Variants in TSHZ2 observed in about 807,000 individuals in gnomAD.
The protein encoded by TSHZ2 is teashirt zinc finger homeobox 2, also known as teashirt homolog 2.
In TSHZ2, 21 loss-of-function variants were observed where a neutral mutation model predicts 74.4. The ratio of observed to expected loss-of-function variants is 0.28; its 90% CI spans 0.20 to 0.41. The LOEUF is 0.41. Among genes scored for constraint, TSHZ2 ranks in the 10% least tolerant of loss-of-function variants. The pLI is 1.00. For synonymous variants in TSHZ2, 540 were observed against 515.3 expected (o/e 1.05, Z -0.65); for missense variants, 1,244 against 1,293.5 (o/e 0.96, Z 0.59).
intron 1 of TSHZ2, among the ~76,000 whole-genome samples, chr20:53,067,165 A>G (rs1985017312): frequency 6.6e-6 from 1 of 152,182 alleles, no homozygotes; most frequent in African/African-American, 2.4e-5. Context: ...ATAGGGGACC[A>G]GTGATTCTAG....
intron 2 of TSHZ2, among the ~76,000 whole-genome samples, chr20:53,392,783 G>T (rs906423792): frequency 2.0e-5 from 3 of 152,036 alleles, no homozygotes; most frequent in South Asian, 2.1e-4. Context: ...CTTGGGTTTT[G>T]GTGTACAGAT....
At position 53,342,955 on chromosome 20, in the gene TSHZ2, C is replaced by CTTTTTTTTT. The variant is rs1175907478; in HGVS notation, c.*8+86405_*8+86413dup. The stretch of plus-strand genomic sequence containing the variant: ...TATTTCTTTTCTTTTCTTTTCTTTT[C>CTTTTTTTTT]TTTTTTTTTTTTTTTTTTTTTTTTT... On this transcript the variant is annotated intron_variant, in intron 2 of 2. Coordinates refer to ENST00000371497, the MANE Select transcript of TSHZ2 (RefSeq NM_173485.6). Among the ~76,000 whole-genome samples the CTTTTTTTTT allele has an allele frequency of 8.6e-3, 525 of 61,296 alleles. 37 individuals carry two copies. Among genetic ancestry groups the CTTTTTTTTT allele is most frequent in the African/African-American group, 0.013 (195 of 14,984 alleles). The allele number at this position is 61,296 out of a possible 152,430, so 40.2% of individuals were successfully genotyped here.
chr20:53,480,521 C>T (rs993955301), intron 2 of TSHZ2, among the ~76,000 whole-genome samples: 4 of 151,334 alleles, frequency 2.6e-5, no homozygotes, highest in Non-Finnish European at 5.9e-5. Context: ...GAACTATGAT[C>T]GTGCCACTGC....
At chr20:52,985,009 T>C (rs112987032) in intron 1 of TSHZ2, among the ~76,000 whole-genome samples, 21 of 152,328 alleles carry the variant, frequency 1.4e-4, no homozygotes, top group African/African-American at 5.1e-4. Flanking sequence ...TGAGCCAAAG[T>C]GGAAACCAAT....
intron 1 of TSHZ2, among the ~76,000 whole-genome samples, chr20:53,081,373 C>T (rs778851465): frequency 6.6e-6 from 1 of 152,218 alleles, no homozygotes; most frequent in Non-Finnish European, 1.5e-5. Context: ...GGTGGATACA[C>T]TTTCAGCTTG....
intron 1 of TSHZ2, among the ~76,000 whole-genome samples, chr20:53,247,824 C>G (rs957854798): frequency 6.6e-6 from 1 of 152,168 alleles, no homozygotes; most frequent in African/African-American, 2.4e-5. Flanking sequence ...AATCAGCCTT[C>G]TTGAGTTTTA....
intron 1 of TSHZ2, among the ~76,000 whole-genome samples, chr20:53,132,398 G>C (rs556572609): frequency 6.6e-6 from 1 of 150,494 alleles, no homozygotes; most frequent in African/African-American, 2.5e-5. Context: ...TGCAACCTCA[G>C]CCTCCAGGTT....
chr20:53,280,432 G>A (rs1219312966), intron 2 of TSHZ2, among the ~76,000 whole-genome samples: 1 of 152,188 alleles, frequency 6.6e-6, no homozygotes, highest in African/African-American at 2.4e-5. Flanking sequence ...ACCAGAGGTA[G>A]TAAATGTCTG....
intron 1 of TSHZ2, among the ~76,000 whole-genome samples, chr20:52,976,225 TC>T (rs1981333252): frequency 1.3e-5 from 2 of 152,286 alleles, no homozygotes; most frequent in Admixed American, 1.3e-4. Flanking sequence ...GTTATGTTCC[TC>T]CCCCTTCAGG....
chr20:53,416,577 A>G (rs1006308771), intron 2 of TSHZ2, among the ~76,000 whole-genome samples: 1 of 152,230 alleles, frequency 6.6e-6, no homozygotes, highest in East Asian at 1.9e-4. Flanking sequence ...CATCGTTTAC[A>G]TATTGCTGCC....
intron 2 of TSHZ2, among the ~76,000 whole-genome samples, chr20:53,425,001 T>C (rs937772061): frequency 6.6e-6 from 1 of 152,244 alleles, no homozygotes; most frequent in Non-Finnish European, 1.5e-5. Context: ...GTCTTTGCTA[T>C]TGTGCATAGT....
At chr20:53,269,366 A>G (rs1039320988) in intron 2 of TSHZ2, among the ~76,000 whole-genome samples, 7 of 151,922 alleles carry the variant, frequency 4.6e-5, no homozygotes, top group Non-Finnish European at 5.9e-5. Flanking sequence ...GGTGGGGGGG[A>G]TAAAAGATAT....
At chr20:53,097,233 A>G (rs1400870768) in intron 1 of TSHZ2, among the ~76,000 whole-genome samples, 2 of 152,242 alleles carry the variant, frequency 1.3e-5, no homozygotes, top group Non-Finnish European at 2.9e-5. Context: ...CTCAGGGGAC[A>G]GAATGACCAT....
chr20:53,220,239 G>T (rs1423991244), intron 1 of TSHZ2, among the ~76,000 whole-genome samples: 2 of 152,254 alleles, frequency 1.3e-5, no homozygotes, highest in Admixed American at 6.5e-5. Flanking sequence ...TGGGGTAATT[G>T]GAGCAAAAAG....
chr20:53,134,657 G>C (rs1276325412), intron 1 of TSHZ2, among the ~76,000 whole-genome samples: 1 of 152,024 alleles, frequency 6.6e-6, no homozygotes, highest in Non-Finnish European at 1.5e-5. Flanking sequence ...TTAACAATTC[G>C]GCAGCTACAT....
intron 2 of TSHZ2, among the ~76,000 whole-genome samples, chr20:53,396,010 A>C (rs1264030198): frequency 6.6e-6 from 1 of 152,188 alleles, no homozygotes; most frequent in Non-Finnish European, 1.5e-5. Flanking sequence ...ATCTCGGCTC[A>C]CTGCAGGCTC....
chr20:52,997,901 C>T (rs562242101), intron 1 of TSHZ2, among the ~76,000 whole-genome samples: 1 of 152,228 alleles, frequency 6.6e-6, no homozygotes, highest in Non-Finnish European at 1.5e-5. Flanking sequence ...CATCTTCCTA[C>T]TCAAAGTATG....
chr20:53,284,144 G>C (rs1040277995), intron 2 of TSHZ2, among the ~76,000 whole-genome samples: 1 of 152,212 alleles, frequency 6.6e-6, no homozygotes, highest in African/African-American at 2.4e-5. Context: ...CGAACAACGT[G>C]AAATGTGTAG....
rs747837224 is a variant in TSHZ2, at chr20:53,253,860, G to C, written c.402G>C (p.Ser134=). The change falls in exon 2 of 3, where the codon TCG becomes TCC. Residue 134 remains serine (S), a synonymous_variant. Transcript: ENST00000371497. ...CCGCTGTCTACGCCAACATCCTGTC[G>C]GATTCCTACTGGTCAGGCCTGGGCC... ...KMTAVYANIL[S]DSYWSGLGLG... is the part of the protein sequence containing the mutation. The C allele has an allele frequency of 6.2e-6, 10 of 1,614,024 alleles. No individual in the cohort carries two copies. The highest frequency in any genetic ancestry group is 4.4e-5 in the South Asian group (4 of 91,072).
Sources: gnomAD v4.1 joint callset for allele counts (sites outside exome capture counted in the v4.1 genomes callset) on GRCh38, gnomAD v4.1.1 for gene constraint, MANE v1.5 for transcripts, NCBI Gene and HGNC (gene_info 2026-07-23, HGNC 2026-07-21) for gene names.